SPTB: variants seen among roughly 807,000 people sequenced by gnomAD.
SPTB encodes the protein spectrin beta, erythrocytic.
In SPTB, 45 loss-of-function variants were observed where a neutral mutation model predicts 256.2. That is an observed-to-expected ratio of 0.18 (90% confidence interval 0.14 to 0.23). The LOEUF (loss-of-function observed/expected upper bound fraction) is 0.23, where lower values mean the gene tolerates loss of function less well. Ranked by LOEUF, SPTB falls within the 10% of genes least tolerant of loss-of-function variation. SPTB has a pLI of 1.00. For synonymous variants in SPTB, 1,231 were observed against 1,243.1 expected (o/e 0.99, Z 0.21); for missense variants, 2,715 against 3,040.4 (o/e 0.89, Z 2.52).
At chr14:64,846,771 A>C (rs916123714) in intron 1 of SPTB, among the ~76,000 whole-genome samples, 31 of 152,220 alleles carry the variant, frequency 2.0e-4, no homozygotes, top group African/African-American at 7.0e-4. Flanking sequence ...GTCTAAATAT[A>C]TGTCAGAAAG....
At chr14:64,849,985 T>C (rs1467254056) in intron 1 of SPTB, among the ~76,000 whole-genome samples, 2 of 152,158 alleles carry the variant, frequency 1.3e-5, no homozygotes, top group Non-Finnish European at 2.9e-5. Flanking sequence ...ATTATTACTA[T>C]AGACCAGGAG....
At position 64,747,097 on chromosome 14, in the gene SPTB, G is replaced by A. The variant is rs1185922195; in HGVS notation, c.*2209C>T. 1 of 152,586 alleles carries A rather than the reference G, an allele frequency of 6.6e-6. No homozygotes were observed. The highest frequency in any genetic ancestry group is 2.4e-5 in the African/African-American group (1 of 41,444). The allele number at this position is 152,586 out of a possible 1,614,324, so 9.5% of individuals were successfully genotyped here. Reference sequence around the variant, plus strand: ...CCCTGGACCAGGCCAGGGGACCTGGGGTGGTGAGATGCTAGCTCTTCCACT... The same window carrying A: ...CCCTGGACCAGGCCAGGGGACCTGGAGTGGTGAGATGCTAGCTCTTCCACT... On this transcript the variant is annotated 3_prime_UTR_variant, in exon 36 of 36. Coordinates refer to ENST00000644917, the MANE Select transcript of SPTB (RefSeq NM_001355436.2).
intron 1 of SPTB, among the ~76,000 whole-genome samples, chr14:64,850,073 T>C (rs2083757302): frequency 6.6e-6 from 1 of 152,212 alleles, no homozygotes; most frequent in East Asian, 1.9e-4. Flanking sequence ...AACTAGAATA[T>C]GTGACAGAGA....
intron 1 of SPTB, among the ~76,000 whole-genome samples, chr14:64,855,537 T>A (rs1166114019): frequency 1.6e-4 from 1 of 6,184 alleles, no homozygotes; most frequent in Non-Finnish European, 9.6e-4. Context: ...AATCTTTTCA[T>A]ATACGTTGAC....
Position 64,752,382 on chromosome 14 carries a change from AG to A in SPTB, c.6602+1154del, listed in dbSNP as rs1259182244. ...GGGAGGAAGTTCTGGAAGGTCAGAG[AG>A]AGAAACTGACCCATACAAAGCTGGC... On this transcript the variant is annotated intron_variant, in intron 33 of 35. Transcript: ENST00000644917. 7 of 638,838 alleles carry A rather than the reference AG, an allele frequency of 1.1e-5. No individual in the cohort carries two copies. In the African/African-American group the frequency reaches 1.5e-4, roughly 14 times the overall value. The allele number at this position is 638,838 out of a possible 1,614,324, so 39.6% of individuals were successfully genotyped here. A position where few individuals can be genotyped will look rare whatever the true frequency, so the allele number is the denominator to read the frequency against.
At chr14:64,858,999 C>A (rs769973430) in intron 1 of SPTB, among the ~76,000 whole-genome samples, 1 of 152,194 alleles carries the variant, frequency 6.6e-6, no homozygotes, top group Non-Finnish European at 1.5e-5. Context: ...TGGCTTACAC[C>A]TGTAATCCCA....
intron 1 of SPTB, among the ~76,000 whole-genome samples, chr14:64,861,566 T>C (rs1404884795): frequency 6.6e-6 from 1 of 152,084 alleles, no homozygotes; most frequent in Non-Finnish European, 1.5e-5. Context: ...ACCAACCCTT[T>C]CTCCATCCCT....
At chr14:64,839,724 G>A (rs422574) in intron 1 of SPTB, among the ~76,000 whole-genome samples, 108,235 of 152,032 alleles carry the variant, frequency 0.71, 39,415 homozygotes, top group Non-Finnish European at 0.8. Flanking sequence ...TTATTTTTAA[G>A]TAATGCAAGA....
intron 18 of SPTB, among the ~76,000 whole-genome samples, chr14:64,784,772 C>T (rs2082535915): frequency 6.6e-6 from 1 of 152,088 alleles, no homozygotes; most frequent in African/African-American, 2.4e-5. Flanking sequence ...TTGATAAACA[C>T]AGGAAAAAAT....
Position 64,800,179 on chromosome 14 carries a change from T to G in SPTB, c.877-245A>C, listed in dbSNP as rs115767473. ...CTGGCCTGTTAAGGGTTGGGTGCAGTTCCCCTCCCCAGTGCTAGAGAAGAT... is the reference window on the plus strand; with the variant it reads ...CTGGCCTGTTAAGGGTTGGGTGCAGGTCCCCTCCCCAGTGCTAGAGAAGAT... On this transcript the variant is annotated intron_variant, in intron 8 of 35. Transcript: ENST00000644917. Among the ~76,000 whole-genome samples the G allele has an allele frequency of 3.0e-3, 456 of 152,330 alleles. 3 individuals carry two copies. The highest frequency in any genetic ancestry group is 0.011 in the African/African-American group (447 of 41,582).
Position 64,807,271 on chromosome 14 carries a change from G to A in SPTB, c.149-2181C>T, listed in dbSNP as rs889048169. 1.3e-5 allele frequency among the ~76,000 whole-genome samples: 2 copies of A among 152,328 alleles called. No homozygotes were observed. The highest frequency in any genetic ancestry group is 4.8e-5 in the African/African-American group (2 of 41,576). On this transcript the variant is annotated intron_variant, in intron 2 of 35. Coordinates refer to ENST00000644917, the MANE Select transcript of SPTB (RefSeq NM_001355436.2). The surrounding 1 kb of genome is among the most constrained non-coding windows in gnomAD (Gnocchi z 4.7). ...TCCTCCTTTTCCTGTCTTTAAGAATGCAAACATTTCATTACGTGGGTGCTG... is the reference window on the plus strand; with the variant it reads ...TCCTCCTTTTCCTGTCTTTAAGAATACAAACATTTCATTACGTGGGTGCTG...
chr14:64,810,809 C>CT, intron 2 of SPTB, among the ~76,000 whole-genome samples: 1 of 152,236 alleles, frequency 6.6e-6, no homozygotes, highest in East Asian at 1.9e-4. Context: ...GAAAGTTCAA[C>CT]TACATTAAAA....
chr14:64,873,655 C>T lies in SPTB; in HGVS notation c.-52+6137G>A, dbSNP rs993128136. Reference sequence around the variant, plus strand: ...GTGTCTTCTCTCCAGAACCAATGAACTTATGTGGAATATTCTGCTGAAGAA... The same window carrying T: ...GTGTCTTCTCTCCAGAACCAATGAATTTATGTGGAATATTCTGCTGAAGAA... On this transcript the variant is annotated intron_variant, in intron 1 of 35. Coordinates refer to ENST00000644917, the MANE Select transcript of SPTB (RefSeq NM_001355436.2). The surrounding 1 kb of genome is among the most constrained non-coding windows in gnomAD (Gnocchi z 4.3). 1.3e-5 allele frequency among the ~76,000 whole-genome samples: 2 copies of T among 152,188 alleles called. No homozygotes were observed.
In SPTB at chr14:64,759,904, T is replaced by TGAAGGA. The variant is rs2082068831; in HGVS notation, c.6346-6112_6346-6111insTCCTTC. ...GGTGAAGGAGAATTGCAGAGTGGGC[T>TGAAGGA]GAATAAGGGAAGGCACTGCCTTTAG... On this transcript the variant is annotated intron_variant, in intron 32 of 35. Transcript: ENST00000644917. The surrounding 1 kb of genome is among the most constrained non-coding windows in gnomAD (Gnocchi z 4.8). Among the ~76,000 whole-genome samples the TGAAGGA allele has an allele frequency of 6.6e-6, 1 of 152,088 alleles. No individual in the cohort carries two copies. The highest frequency in any genetic ancestry group is 2.1e-4 in the South Asian group (1 of 4,830).
At chr14:64,869,299 A>C (rs2139819395) in intron 1 of SPTB, among the ~76,000 whole-genome samples, 1 of 152,380 alleles carries the variant, frequency 6.6e-6, no homozygotes, top group East Asian at 1.9e-4. Flanking sequence ...ACTTATTAGC[A>C]TAACAATGCC....
Position 64,845,720 on chromosome 14 carries a change from C to T in SPTB, c.-51-22575G>A, listed in dbSNP as rs1275941280. ...CATGTTTTAGGGATTAGAAGTTTCCCTGTGTGTTTCCCCAACTTTGTGAAA... is the reference window on the plus strand; with the variant it reads ...CATGTTTTAGGGATTAGAAGTTTCCTTGTGTGTTTCCCCAACTTTGTGAAA... On this transcript the variant is annotated intron_variant, in intron 1 of 35. Transcript: ENST00000644917. This position sits in a 1 kb window ranked among gnomAD's most constrained non-coding sequence, Gnocchi z 4.8. 6.6e-6 allele frequency among the ~76,000 whole-genome samples: 1 copy of T among 152,188 alleles called. No individual in the cohort carries two copies. The highest frequency in any genetic ancestry group is 1.5e-5 in the Non-Finnish European group (1 of 68,036).
chr14:64,751,927 C>CAAAAAAAAATAAAAAAAA (rs2081955896), intron 33 of SPTB, among the ~76,000 whole-genome samples: 1 of 71,940 alleles, frequency 1.4e-5, no homozygotes, highest in Non-Finnish European at 2.9e-5. Flanking sequence ...ACTAAAAATG[C>CAAAAAAAAATAAAAAAAA]AAAAAAAAAA....
intron 1 of SPTB, among the ~76,000 whole-genome samples, chr14:64,874,871 C>T (rs562857291): frequency 6.6e-6 from 1 of 152,302 alleles, no homozygotes; most frequent in Non-Finnish European, 1.5e-5. Context: ...TGTTCTTTAG[C>T]TATCAAGGTG....
In SPTB at chr14:64,852,868, G is replaced by A. The variant is rs553742518; in HGVS notation, c.-52+26924C>T. Among the ~76,000 whole-genome samples the A allele has an allele frequency of 3.6e-4, 55 of 152,240 alleles. No homozygotes were observed. The highest frequency in any genetic ancestry group is 5.9e-4 in the Admixed American group (9 of 15,300). On this transcript the variant is annotated intron_variant, in intron 1 of 35. Transcript: ENST00000644917. The surrounding 1 kb of genome is among the most constrained non-coding windows in gnomAD (Gnocchi z 4.2). ...CAAAATAGACAGGCTTTCTGCTCTC[G>A]TGGTACTTTCAGTCCAGCAAGGAAG...
Sources: gnomAD v4.1 joint callset for allele counts (sites outside exome capture counted in the v4.1 genomes callset) on GRCh38, gnomAD v4.1.1 for gene constraint, Gnocchi (gnomAD v3.1) non-coding constraint, MANE v1.5 for transcripts, NCBI Gene and HGNC (gene_info 2026-07-23, HGNC 2026-07-21) for gene names.